Variants in PKD2 observed in about 807,000 individuals in gnomAD.
The protein encoded by PKD2 is polycystin 2, transient receptor potential cation channel, also known as polycystin-2.
PKD2 carries 48 observed loss-of-function variants against 105.9 expected under a neutral mutation model. The observed-to-expected ratio is 0.45, with a 90% CI of 0.36 to 0.58. PKD2 has a LOEUF of 0.58. Among genes scored for constraint, PKD2 ranks in the 20% least tolerant of loss-of-function variants. The pLI is 0.00. For missense variants in PKD2, 1,078 were observed against 1,255.3 expected (o/e 0.86, Z 2.13); for synonymous variants, 464 against 481.1 (o/e 0.96, Z 0.46).
chr4:88,075,603 C>T lies in PKD2; in HGVS notation c.2816C>T (p.Pro939Leu), dbSNP rs750360835. The change falls in exon 15 of 15, where the codon CCT becomes CTT. Residue 939 changes from proline (P) to leucine (L), a missense_variant. This residue lies in a region of PKD2 where 868 missense variants were observed against 1,067.3 expected (regional missense o/e 0.81). Transcript: ENST00000237596. Reference sequence around the variant, plus strand: ...ACGCCAGTGGGACTAAATGGTCAACCTCGCCCCAGAAGCTCCCGCCCATCT... The same window carrying T: ...ACGCCAGTGGGACTAAATGGTCAACTTCGCCCCAGAAGCTCCCGCCCATCT... ...LGTPVGLNGQ[P>L]RPRSSRPSSS... 3.7e-6 allele frequency: 6 copies of T among 1,614,160 alleles called. No homozygotes were observed. In the Admixed American group the frequency reaches 1.0e-4, roughly 27 times the overall value.
rs1473427950 is a variant in PKD2, at chr4:88,007,667, T to C, written c.-67T>C. 3 of 1,032,166 alleles carry C rather than the reference T, an allele frequency of 2.9e-6. No homozygotes were observed. Among genetic ancestry groups the C allele is most frequent in the Middle Eastern group, 3.5e-4 (1 of 2,876 alleles). The allele number at this position is 1,032,166 out of a possible 1,614,324, so 63.9% of individuals were successfully genotyped here. A position where few individuals can be genotyped will look rare whatever the true frequency, so the allele number is the denominator to read the frequency against. The stretch of plus-strand genomic sequence containing the variant: ...GGCGGGCGCCGGGAAGAAAGGAACA[T>C]GGCTCCTGAGGCGCACAGCGCCGAG... On this transcript the variant is annotated 5_prime_UTR_variant, in exon 1 of 15. An upstream start codon of the reference 5' UTR is lost. Coordinates refer to ENST00000237596, the MANE Select transcript of PKD2 (RefSeq NM_000297.4).
At chr4:88,032,898 G>C (rs1043292530) in intron 2 of PKD2, among the ~76,000 whole-genome samples, 2 of 152,126 alleles carry the variant, frequency 1.3e-5, no homozygotes, top group African/African-American at 4.8e-5. Flanking sequence ...AGTTGTCCAG[G>C]ATCTCAAGAT....
Position 88,054,296 on chromosome 4 carries a change from G to A in PKD2, c.1717-1790G>A, listed in dbSNP as rs12646110. Among the ~76,000 whole-genome samples, 63 of 151,588 alleles carry A rather than the reference G, an allele frequency of 4.2e-4. 1 individual carries two copies. The East Asian group carries it at 0.01, about 25-fold the overall frequency. On this transcript the variant is annotated intron_variant, in intron 7 of 14. Coordinates refer to ENST00000237596, the MANE Select transcript of PKD2 (RefSeq NM_000297.4). ...CGTGCCTATGATCCCAGCTACTTGG[G>A]AATCTGAGGCAGGAGAATTGCTTGA...
rs1473351186 is a variant in PKD2 at position 88,047,175 on chromosome 4, G to T, written c.1548+305G>T. The stretch of plus-strand genomic sequence containing the variant: ...GAGGAGAAAACAGTTTTTTTTCTTT[G>T]TTTTTTTTTCCACTAATGATATTTT... On this transcript the variant is annotated intron_variant, in intron 6 of 14. Coordinates refer to ENST00000237596, the MANE Select transcript of PKD2 (RefSeq NM_000297.4). 4.7e-5 allele frequency among the ~76,000 whole-genome samples: 7 copies of T among 150,428 alleles called. No homozygotes were observed. The East Asian group carries it at 1.2e-3, about 25-fold the overall frequency.
intron 2 of PKD2, among the ~76,000 whole-genome samples, chr4:88,034,858 C>T (rs1727278101): frequency 6.6e-6 from 1 of 152,058 alleles, no homozygotes; most frequent in African/African-American, 2.4e-5. Context: ...GAACATGTTT[C>T]CTTCCCCTTG....
intron 13 of PKD2, among the ~76,000 whole-genome samples, chr4:88,074,250 G>T (rs552772122): frequency 6.6e-6 from 1 of 152,268 alleles, no homozygotes; most frequent in South Asian, 2.1e-4. Context: ...CCAAGGCTCA[G>T]GTGATCCTTC....
At chr4:88,075,247 G>C (rs1721189340) in intron 14 of PKD2, among the ~76,000 whole-genome samples, 1 of 152,154 alleles carries the variant, frequency 6.6e-6, no homozygotes, top group Admixed American at 6.5e-5. Flanking sequence ...ATTATAATCT[G>C]GAGGTGTTAC....
intron 6 of PKD2, among the ~76,000 whole-genome samples, chr4:88,047,162 G>GT (rs564560162): frequency 4.2e-5 from 6 of 141,936 alleles, no homozygotes; most frequent in African/African-American, 1.2e-4. Context: ...GGAGAAAACA[G>GT]TTTTTTTTCT....
At chr4:88,014,960 G>A (rs1278669067) in intron 1 of PKD2, among the ~76,000 whole-genome samples, 1 of 152,184 alleles carries the variant, frequency 6.6e-6, no homozygotes, top group Non-Finnish European at 1.5e-5. Context: ...ATGATGTCAG[G>A]TAAGCTTTCT....
At chr4:88,040,411 G>A (rs1303607397) in intron 4 of PKD2, among the ~76,000 whole-genome samples, 1 of 152,186 alleles carries the variant, frequency 6.6e-6, no homozygotes, top group Non-Finnish European at 1.5e-5. Flanking sequence ...ATATGTGCTG[G>A]ATGCATTCGA....
rs573469832 is a variant in PKD2 at position 88,075,601 on chromosome 4, A to G, written c.2814A>G (p.Gln938=). 974 of 1,614,158 alleles carry G rather than the reference A, an allele frequency of 6.0e-4. 7 individuals are homozygous for G. In the South Asian group the frequency reaches 0.01, roughly 17 times the overall value. The stretch of plus-strand genomic sequence containing the variant: ...GCACGCCAGTGGGACTAAATGGTCA[A>G]CCTCGCCCCAGAAGCTCCCGCCCAT... The part of the protein sequence containing the change: ...GLGTPVGLNG[Q]PRPRSSRPSS... The change falls in exon 15 of 15, where the codon CAA becomes CAG. Residue 938 remains glutamine, a synonymous_variant. Coordinates refer to ENST00000237596, the MANE Select transcript of PKD2 (RefSeq NM_000297.4).
At chr4:88,017,491 C>G (rs1275074526) in intron 1 of PKD2, among the ~76,000 whole-genome samples, 2 of 152,176 alleles carry the variant, frequency 1.3e-5, no homozygotes, top group Non-Finnish European at 2.9e-5. Flanking sequence ...CTCACTGCAA[C>G]CTCTGTCTCC....
At chr4:88,023,502 A>G (rs1036569180) in intron 2 of PKD2, among the ~76,000 whole-genome samples, 19 of 152,202 alleles carry the variant, frequency 1.2e-4, no homozygotes, top group Non-Finnish European at 2.1e-4. Flanking sequence ...CAACATCCAA[A>G]CTATATCACC....
At chr4:88,010,092 G>A (rs796412283) in intron 1 of PKD2, among the ~76,000 whole-genome samples, 1 of 151,312 alleles carries the variant, frequency 6.6e-6, no homozygotes, top group Non-Finnish European at 1.5e-5. Context: ...CAGGAATCGG[G>A]AATTTTTTTT....
intron 1 of PKD2, among the ~76,000 whole-genome samples, chr4:88,016,718 T>C (rs1187985149): frequency 2.0e-5 from 3 of 152,144 alleles, no homozygotes; most frequent in Non-Finnish European, 2.9e-5. Flanking sequence ...CCCAGCACTT[T>C]GAGAGGCCAA....
At chr4:88,058,796 A>T (rs1028134369) in intron 9 of PKD2, among the ~76,000 whole-genome samples, 3 of 152,082 alleles carry the variant, frequency 2.0e-5, no homozygotes, top group Non-Finnish European at 4.4e-5. Flanking sequence ...ACAAATGAAC[A>T]TTTTTAATGT....
At chr4:88,013,827 A>G (rs1373160936) in intron 1 of PKD2, among the ~76,000 whole-genome samples, 2 of 152,176 alleles carry the variant, frequency 1.3e-5, no homozygotes, top group African/African-American at 4.8e-5. Flanking sequence ...AGGGAAAAAT[A>G]ATAGGAACAA....
intron 2 of PKD2, among the ~76,000 whole-genome samples, chr4:88,034,090 CTT>C (rs747535065): frequency 1.3e-5 from 2 of 152,114 alleles, no homozygotes; most frequent in Non-Finnish European, 2.9e-5. Flanking sequence ...ATTCTAAACT[CTT>C]AACTCTGCCC....
At chr4:88,052,491 A>G (rs943819251) in intron 7 of PKD2, among the ~76,000 whole-genome samples, 1 of 152,002 alleles carries the variant, frequency 6.6e-6, no homozygotes, top group African/African-American at 2.4e-5. Flanking sequence ...GCTGGTTTTG[A>G]ACTCCTGGGT....
Sources: gnomAD v4.1 joint callset for allele counts (sites outside exome capture counted in the v4.1 genomes callset) on GRCh38, gnomAD v4.1.1 for gene constraint, gnomAD v4.1.1 regional missense constraint, MANE v1.5 for transcripts, NCBI Gene and HGNC (gene_info 2026-07-23, HGNC 2026-07-21) for gene names.